The following LAMA3 variants were observed in gnomAD, a reference collection of about 807,000 sequenced individuals.
LAMA3 encodes the protein laminin subunit alpha 3.
In LAMA3, 281 loss-of-function variants were observed where a neutral mutation model predicts 402.0. That is an observed-to-expected ratio of 0.70 (90% CI 0.63 to 0.77). The LOEUF (loss-of-function observed/expected upper bound fraction) is 0.77, where lower values mean the gene tolerates loss of function less well. LAMA3 is among the 30% of genes least tolerant of loss of function. LAMA3 has a pLI of 0.00. For missense variants in LAMA3, 3,840 were observed against 4,215.5 expected (o/e 0.91, Z 2.47); for synonymous variants, 1,431 against 1,558.4 (o/e 0.92, Z 1.93).
At chr18:23,874,059 C>A (rs1250244253) in intron 38 of LAMA3, among the ~76,000 whole-genome samples, 1 of 152,088 alleles carries the variant, frequency 6.6e-6, no homozygotes, top group African/African-American at 2.4e-5. Flanking sequence ...GTAACTCTTG[C>A]AGAGTATATT....
intron 11 of LAMA3, among the ~76,000 whole-genome samples, chr18:23,781,077 G>A (rs573328293): frequency 3.9e-5 from 6 of 152,320 alleles, no homozygotes; most frequent in African/African-American, 1.4e-4. Flanking sequence ...CTGTGACTTC[G>A]TAATGAGGTG....
At chr18:23,897,950 C>T (rs2080932093) in intron 44 of LAMA3, among the ~76,000 whole-genome samples, 1 of 152,128 alleles carries the variant, frequency 6.6e-6, no homozygotes, top group East Asian at 1.9e-4. Flanking sequence ...TATCATGTGG[C>T]AGACTAAGGG....
At chr18:23,753,047 A>C (rs2061781621) in intron 5 of LAMA3, among the ~76,000 whole-genome samples, 1 of 152,226 alleles carries the variant, frequency 6.6e-6, no homozygotes, top group Admixed American at 6.5e-5. Flanking sequence ...AGAGGCCTCC[A>C]ACATATTGGA....
At chr18:23,803,884 A>G (rs1388495074) in intron 12 of LAMA3, among the ~76,000 whole-genome samples, 1 of 152,206 alleles carries the variant, frequency 6.6e-6, no homozygotes, top group African/African-American at 2.4e-5. Flanking sequence ...AATGCTGTAG[A>G]TGTGGAATGT....
In LAMA3 at chr18:23,689,524, G is replaced by T. The variant is rs541527731; in HGVS notation, c.-160G>T. ...AGCTGAGAGGCCACCCCCACGCCGCGGGCTTCCAGCGCGTGGAGCAAGGGG... is the reference window on the plus strand; with the variant it reads ...AGCTGAGAGGCCACCCCCACGCCGCTGGCTTCCAGCGCGTGGAGCAAGGGG... On this transcript the variant is annotated 5_prime_UTR_variant, in exon 1 of 75. Transcript: ENST00000313654. The T allele has an allele frequency of 1.1e-5, 7 of 632,026 alleles. No individual in the cohort carries two copies. In the South Asian group the frequency reaches 4.1e-4, roughly 37 times the overall value. 39.2% of individuals were successfully genotyped at this position (632,026 alleles called of 1,614,324 possible). A position where few individuals can be genotyped will look rare whatever the true frequency, so the allele number is the denominator to read the frequency against.
In LAMA3 at chr18:23,738,247, C is replaced by G. The variant is rs964324417; in HGVS notation, c.448-9696C>G. 2.0e-5 allele frequency among the ~76,000 whole-genome samples: 3 copies of G among 151,634 alleles called. No individual in the cohort carries two copies. The East Asian group carries it at 5.8e-4, about 30-fold the overall frequency. On this transcript the variant is annotated intron_variant, in intron 2 of 74. Coordinates refer to ENST00000313654, the MANE Select transcript of LAMA3 (RefSeq NM_198129.4). The stretch of plus-strand genomic sequence containing the variant: ...ATCTGGATGGAAGGAGAGGCGTTTT[C>G]TTTGGGATGGGAGAGACACTTGCAA...
intron 12 of LAMA3, among the ~76,000 whole-genome samples, chr18:23,789,834 C>G (rs896953865): frequency 6.6e-6 from 1 of 152,172 alleles, no homozygotes; most frequent in African/African-American, 2.4e-5. Flanking sequence ...TGAATTTTAT[C>G]TCAATAAACT....
chr18:23,954,401 TAAAAAAA>T (rs11406615), intron 74 of LAMA3, 95 bp from the exon 75 acceptor site: 23 of 679,798 alleles, frequency 3.4e-5, no homozygotes, highest in African/African-American at 7.6e-5. Flanking sequence ...GGACCCTGTC[TAAAAAAA>T]AAAAAAAAAA....
At chr18:23,935,325 T>C (rs1426423655) in intron 67 of LAMA3, among the ~76,000 whole-genome samples, 2 of 151,784 alleles carry the variant, frequency 1.3e-5, no homozygotes, top group African/African-American at 4.8e-5. Flanking sequence ...GTGACAGGAG[T>C]CTGCAGGACA....
chr18:23,792,141 G>A (rs1403272312), intron 12 of LAMA3, among the ~76,000 whole-genome samples: 4 of 152,194 alleles, frequency 2.6e-5, no homozygotes, highest in Non-Finnish European at 5.9e-5. Context: ...AACTGTTGCC[G>A]TGAACTCCTT....
Position 23,914,694 on chromosome 18 carries a change from AC to A in LAMA3, c.7482-3del. 3 of 1,610,940 alleles carry A rather than the reference AC, an allele frequency of 1.9e-6. No homozygotes were observed. The highest frequency in any genetic ancestry group is 2.5e-6 in the Non-Finnish European group (3 of 1,177,870). On this transcript the variant is annotated splice_region_variant and splice_polypyrimidine_tract_variant and intron_variant, in intron 57 of 74. Coordinates refer to ENST00000313654, the MANE Select transcript of LAMA3 (RefSeq NM_198129.4). ...ACTTTATTATCTAAATTCATTTTAA[AC>A]AGAATTTATCAGTTTGCAAGGCTTA...
At chr18:23,888,412 T>C (rs916803016) in intron 41 of LAMA3, among the ~76,000 whole-genome samples, 1 of 152,166 alleles carries the variant, frequency 6.6e-6, no homozygotes, top group African/African-American at 2.4e-5. Flanking sequence ...GCAAAATAGG[T>C]ATTATTAGTC....
chr18:23,777,598 C>G lies in LAMA3; in HGVS notation c.1447C>G (p.Pro483Ala), dbSNP rs748687892. Reference protein sequence around the residue: ...FPVSTPSSEDPVAGDIKGCDC... With the variant: ...FPVSTPSSEDAVAGDIKGCDC... ...TGTTTCTACACCAAGTTCAGAAGAT[C>G]CAGTAGCTGGAGATATAAAAGGCAA... Residue 483 changes from proline to alanine, a missense_variant, in exon 11 of 75, where the codon CCA becomes GCA. Pro to Ala is a conservative substitution (Grantham distance 27). Around this residue, in one of 3 missense-constraint regions of LAMA3, gnomAD observed 2,109 missense variants for 2,376.0 expected, o/e 0.89. Transcript: ENST00000313654. 143 of 1,611,714 alleles carry G rather than the reference C, an allele frequency of 8.9e-5. 1 individual carries two copies. Among genetic ancestry groups the G allele is most frequent in the Non-Finnish European group, 1.2e-4 (139 of 1,177,890 alleles).
intron 2 of LAMA3, among the ~76,000 whole-genome samples, chr18:23,716,188 C>A (rs2061096223): frequency 6.6e-6 from 1 of 151,680 alleles, no homozygotes; most frequent in Non-Finnish European, 1.5e-5. Context: ...GACAGGGTCT[C>A]ACTCTATTGC....
chr18:23,714,108 C>A, intron 2 of LAMA3, 36 bp downstream of exon 2: 1 of 1,583,866 alleles, frequency 6.3e-7, no homozygotes, highest in Non-Finnish European at 8.7e-7. Flanking sequence ...GGAACATGAG[C>A]TTAGATCACT....
At chr18:23,766,464 A>G (rs958407033) in intron 8 of LAMA3, among the ~76,000 whole-genome samples, 1 of 152,228 alleles carries the variant, frequency 6.6e-6, no homozygotes, top group Non-Finnish European at 1.5e-5. Context: ...AAAGAGAGGT[A>G]ATACGAGATG....
chr18:23,871,289 C>G, intron 37 of LAMA3, 142 bp from the exon 38 acceptor site: 1 of 725,018 alleles, frequency 1.4e-6, no homozygotes, highest in Non-Finnish European at 2.5e-6. Context: ...CTCCAGGAGG[C>G]AGGTATTTCC....
In LAMA3 at chr18:23,912,841, G is replaced by C; in HGVS notation, c.7289G>C (p.Gly2430Ala). ...LQRPNSRENG[G>A]TENMFVMYLG... is the part of the protein sequence containing the mutation. ...AGGCCCAACTCAAGAGAAAATGGGG[G>C]TACTGAGAATATGTTTGTGATGTAC... Residue 2430 changes from glycine to alanine, a missense_variant, in exon 56 of 75, where the codon GGT (glycine) becomes GCT (alanine). Physicochemically the swap from Gly to Ala is moderately conservative, Grantham distance 60. This residue lies in a region of LAMA3 where 891 missense variants were observed against 857.5 expected (regional missense o/e 1.04). Coordinates refer to ENST00000313654, the MANE Select transcript of LAMA3 (RefSeq NM_198129.4). The C allele has an allele frequency of 6.2e-7, 1 of 1,613,976 alleles. No homozygotes were observed. Among genetic ancestry groups the C allele is most frequent in the Non-Finnish European group, 8.5e-7 (1 of 1,179,818 alleles).
chr18:23,754,914 A>G (rs550355524), intron 6 of LAMA3, among the ~76,000 whole-genome samples: 3 of 152,314 alleles, frequency 2.0e-5, no homozygotes, highest in African/African-American at 7.2e-5. Context: ...CTTTGTGTTC[A>G]GGCAGAATTG....
Sources: allele counts gnomAD v4.1 joint callset (sites outside exome capture counted in the v4.1 genomes callset), GRCh38; gene constraint gnomAD v4.1.1; regional missense constraint gnomAD v4.1.1; transcripts MANE v1.5; gene names NCBI Gene and HGNC (gene_info 2026-07-23, HGNC 2026-07-21).